SORCS2: variants seen among roughly 807,000 people sequenced by gnomAD.
The protein encoded by SORCS2 is VPS10 domain-containing receptor SorCS2.
SORCS2 carries 100 observed loss-of-function variants against 141.6 expected under a neutral mutation model. The ratio of observed to expected loss-of-function variants is 0.71; its 90% confidence interval spans 0.60 to 0.83. The LOEUF (loss-of-function observed/expected upper bound fraction) is 0.83, where lower values mean the gene tolerates loss of function less well. SORCS2 is among the 40% of genes least tolerant of loss of function. SORCS2 has a pLI of 0.00. For missense variants in SORCS2, 1,646 were observed against 1,560.2 expected (o/e 1.05, Z -0.93); for synonymous variants, 789 against 676.9 (o/e 1.17, Z -2.57).
chr4:7,710,088 T>C (rs1577102718), intron 14 of SORCS2, among the ~76,000 whole-genome samples: 1 of 152,122 alleles, frequency 6.6e-6, no homozygotes, highest in South Asian at 2.1e-4. Flanking sequence ...GGGGGTTAAT[T>C]AGTCAACCAA....
intron 5 of SORCS2, among the ~76,000 whole-genome samples, chr4:7,655,898 G>C (rs1721741754): frequency 6.6e-6 from 1 of 152,204 alleles, no homozygotes; most frequent in Non-Finnish European, 1.5e-5. Context: ...ACAGCGCCCA[G>C]AGGGAAATTG....
chr4:7,456,498 G>C (rs995286904), intron 2 of SORCS2, among the ~76,000 whole-genome samples: 3 of 151,826 alleles, frequency 2.0e-5, no homozygotes, highest in Admixed American at 1.3e-4. Flanking sequence ...GCCTCCTTTT[G>C]AGGACAGAAA....
chr4:7,509,144 A>G (rs1047438646), intron 2 of SORCS2, among the ~76,000 whole-genome samples: 1 of 152,068 alleles, frequency 6.6e-6, no homozygotes, highest in Non-Finnish European at 1.5e-5. Context: ...GGCGGAAGAG[A>G]CCCTGGGGCT....
chr4:7,207,623 C>T (rs570109025), intron 1 of SORCS2, among the ~76,000 whole-genome samples: 2 of 152,218 alleles, frequency 1.3e-5, no homozygotes, highest in Non-Finnish European at 2.9e-5. Flanking sequence ...GGGCAGATGT[C>T]TAGCGATGCA....
intron 14 of SORCS2, among the ~76,000 whole-genome samples, chr4:7,709,913 A>G (rs1254385630): frequency 6.6e-6 from 1 of 151,858 alleles, no homozygotes; most frequent in Admixed American, 6.6e-5. Flanking sequence ...TACATGGTTC[A>G]CCCCTCGCAG....
intron 2 of SORCS2, among the ~76,000 whole-genome samples, chr4:7,456,982 C>T (rs574926824): frequency 5.9e-5 from 9 of 152,050 alleles, no homozygotes; most frequent in South Asian, 2.1e-4. Flanking sequence ...GGTGAGTCGA[C>T]GAGGTCAGGG....
At chr4:7,717,003 A>G (rs1422246120) in intron 17 of SORCS2, among the ~76,000 whole-genome samples, 5 of 152,236 alleles carry the variant, frequency 3.3e-5, no homozygotes, top group Non-Finnish European at 5.9e-5. Context: ...TGAGGGCAAG[A>G]GGGGGGATCA....
chr4:7,226,828 G>T (rs1729020452), intron 1 of SORCS2, among the ~76,000 whole-genome samples: 2 of 152,236 alleles, frequency 1.3e-5, no homozygotes, highest in African/African-American at 4.8e-5. Flanking sequence ...CCGCCGGGAA[G>T]CACCAGGGCG....
intron 3 of SORCS2, among the ~76,000 whole-genome samples, chr4:7,623,083 G>T (rs997992843): frequency 6.6e-6 from 1 of 151,886 alleles, no homozygotes; most frequent in African/African-American, 2.4e-5. Flanking sequence ...CCTTTCTAGG[G>T]ACCATTACCC....
chr4:7,621,831 A>G (rs1719214966), intron 3 of SORCS2, among the ~76,000 whole-genome samples: 1 of 152,182 alleles, frequency 6.6e-6, no homozygotes, highest in African/African-American at 2.4e-5. Context: ...ACCTCTCTGA[A>G]AAGCGGGGCT....
At chr4:7,429,220 C>T (rs995717269) in intron 2 of SORCS2, among the ~76,000 whole-genome samples, 2 of 152,136 alleles carry the variant, frequency 1.3e-5, no homozygotes, top group East Asian at 1.9e-4. Context: ...GATGTCCCTG[C>T]GGCATGGCTG....
intron 20 of SORCS2, 111 bp downstream of exon 20, chr4:7,725,398 G>C (rs147367715): frequency 6.3e-6 from 9 of 1,426,302 alleles, no homozygotes; most frequent in African/African-American, 2.8e-5. Flanking sequence ...AGTGTAGGGT[G>C]CACTCCTCAC....
At chr4:7,535,475 G>A (rs1233389653) in intron 3 of SORCS2, among the ~76,000 whole-genome samples, 1 of 152,208 alleles carries the variant, frequency 6.6e-6, no homozygotes, top group Non-Finnish European at 1.5e-5. Context: ...CTGAGACCTT[G>A]AGCAAGTGTG....
chr4:7,198,411 A>G (rs952603558), intron 1 of SORCS2, among the ~76,000 whole-genome samples: 1 of 152,144 alleles, frequency 6.6e-6, no homozygotes, highest in Non-Finnish European at 1.5e-5. Flanking sequence ...GGTGGCTCCA[A>G]GCTTGGGGTT....
intron 3 of SORCS2, among the ~76,000 whole-genome samples, chr4:7,535,726 C>G (rs1560365287): frequency 6.6e-6 from 1 of 152,230 alleles, no homozygotes; most frequent in Non-Finnish European, 1.5e-5. Flanking sequence ...GTGACAAAGC[C>G]TCACACGTGT....
At chr4:7,348,192 A>G (rs1396043306) in intron 1 of SORCS2, among the ~76,000 whole-genome samples, 1 of 152,226 alleles carries the variant, frequency 6.6e-6, no homozygotes, top group East Asian at 1.9e-4. Context: ...AGCCTTTTGG[A>G]ATTCCTGGGG....
At chr4:7,399,039 G>A (rs1007492365) in intron 2 of SORCS2, among the ~76,000 whole-genome samples, 3 of 151,496 alleles carry the variant, frequency 2.0e-5, no homozygotes, top group Non-Finnish European at 4.4e-5. Context: ...GGAAGGGGAC[G>A]GCATCATTGC....
intron 2 of SORCS2, among the ~76,000 whole-genome samples, chr4:7,421,922 T>G (rs138622305): frequency 0.037 from 5,660 of 151,522 alleles, 152 homozygotes; most frequent in Non-Finnish European, 0.055. Flanking sequence ...GGGGCGGGGC[T>G]GGGCATCACG....
intron 1 of SORCS2, among the ~76,000 whole-genome samples, chr4:7,285,577 C>T (rs543451552): frequency 2.4e-4 from 36 of 152,350 alleles, no homozygotes; most frequent in Admixed American, 3.9e-4. Flanking sequence ...CCAGCCAAGG[C>T]GCGAGCCCCT....
Sources: gnomAD v4.1 joint callset for allele counts (sites outside exome capture counted in the v4.1 genomes callset) on GRCh38, gnomAD v4.1.1 for gene constraint, MANE v1.5 for transcripts, NCBI Gene and HGNC (gene_info 2026-07-23, HGNC 2026-07-21) for gene names.